TLL1: variants seen among roughly 807,000 people sequenced by gnomAD.
The protein encoded by TLL1 is tolloid-like protein 1.
A neutral mutation model predicts 128.2 loss-of-function variants in TLL1; 49 were observed. The ratio of observed to expected loss-of-function variants is 0.38; its 90% CI spans 0.30 to 0.48. The LOEUF is 0.48. Ranked by LOEUF, TLL1 falls within the 20% of genes least tolerant of loss-of-function variation. The pLI, the probability that TLL1 is intolerant of heterozygous loss-of-function variation, is 0.96. For missense variants in TLL1, 1,123 were observed against 1,242.0 expected (o/e 0.90, Z 1.44); for synonymous variants, 454 against 418.8 (o/e 1.08, Z -1.03).
In TLL1 at chr4:166,104,062, T is replaced by A. The variant is rs554786621; in HGVS notation, c.*3186T>A. ...GCTACCTGTCGCTCATTTTAATATG[T>A]CACAGTATGAGATTCAAATTCTGTT... On this transcript the variant is annotated 3_prime_UTR_variant, in exon 21 of 21. Coordinates refer to ENST00000061240, the MANE Select transcript of TLL1 (RefSeq NM_012464.5). 5.9e-5 allele frequency among the ~76,000 whole-genome samples: 9 copies of A among 152,068 alleles called. No homozygotes were observed. In the East Asian group the frequency reaches 1.2e-3, roughly 20 times the overall value.
chr4:165,964,661 A>G (rs1283986261), intron 1 of TLL1, among the ~76,000 whole-genome samples: 1 of 152,162 alleles, frequency 6.6e-6, no homozygotes, highest in Non-Finnish European at 1.5e-5. Flanking sequence ...GACAACTCAT[A>G]CCTATAATCC....
chr4:165,992,652 C>A, intron 2 of TLL1, 152 bp from the exon 3 acceptor site: 1 of 698,510 alleles, frequency 1.4e-6, no homozygotes. Context: ...GAGTTTTTAC[C>A]CCCTTCAAAG....
intron 1 of TLL1, among the ~76,000 whole-genome samples, chr4:165,966,177 CAAAAAAAA>C (rs35017995): frequency 8.6e-6 from 1 of 116,226 alleles, no homozygotes. Flanking sequence ...GACTCCATCT[CAAAAAAAA>C]AAAAAAAAAA....
chr4:165,986,236 G>T (rs1393183038), intron 1 of TLL1, among the ~76,000 whole-genome samples: 1 of 151,984 alleles, frequency 6.6e-6, no homozygotes, highest in Non-Finnish European at 1.5e-5. Flanking sequence ...AGATTATAAT[G>T]CATCCTAATA....
chr4:165,876,825 T>G (rs1231287801), intron 1 of TLL1, among the ~76,000 whole-genome samples: 1 of 152,230 alleles, frequency 6.6e-6, no homozygotes, highest in Non-Finnish European at 1.5e-5. Context: ...TAGTCCAGGT[T>G]TACCAGGAGT....
intron 12 of TLL1, chr4:166,044,570 ATTT>A: frequency 4.7e-6 from 3 of 636,676 alleles, no homozygotes; most frequent in South Asian, 2.6e-5. Context: ...GCTCCAGACC[ATTT>A]TTTTTTTGTA....
At chr4:165,973,674 T>C (rs1177321144) in intron 1 of TLL1, among the ~76,000 whole-genome samples, 1 of 152,014 alleles carries the variant, frequency 6.6e-6, no homozygotes, top group South Asian at 2.1e-4. Flanking sequence ...TTTTTTTTTT[T>C]TCTTTTTTGA....
intron 1 of TLL1, among the ~76,000 whole-genome samples, chr4:165,900,918 G>A (rs1731956696): frequency 6.6e-6 from 1 of 151,976 alleles, no homozygotes; most frequent in Non-Finnish European, 1.5e-5. Flanking sequence ...CATATTTCTT[G>A]GAGGCTTTGT....
At chr4:165,912,691 T>C (rs1403471449) in intron 1 of TLL1, among the ~76,000 whole-genome samples, 1 of 152,166 alleles carries the variant, frequency 6.6e-6, no homozygotes, top group Non-Finnish European at 1.5e-5. Context: ...TTCAATAGAA[T>C]GTGAGAAGTT....
chr4:165,928,751 A>G (rs1733381429), intron 1 of TLL1, among the ~76,000 whole-genome samples: 1 of 152,188 alleles, frequency 6.6e-6, no homozygotes. Context: ...CATCACAAGC[A>G]CACACAGCCT....
chr4:166,030,083 T>A (rs1455172265), intron 9 of TLL1, among the ~76,000 whole-genome samples: 1 of 152,048 alleles, frequency 6.6e-6, no homozygotes, highest in Non-Finnish European at 1.5e-5. Context: ...TCCATAGTAT[T>A]TGCATTATTT....
At chr4:165,920,967 A>G (rs778413970) in intron 1 of TLL1, among the ~76,000 whole-genome samples, 28 of 152,220 alleles carry the variant, frequency 1.8e-4, no homozygotes, top group Non-Finnish European at 2.1e-4. Context: ...TACAAATAGT[A>G]CTTTCCTTAA....
intron 17 of TLL1, among the ~76,000 whole-genome samples, chr4:166,076,991 G>A (rs907877465): frequency 1.3e-5 from 2 of 152,086 alleles, no homozygotes; most frequent in African/African-American, 4.8e-5. Context: ...TAACAAGTGT[G>A]TTGTCCATTG....
At chr4:165,893,478 A>G (rs1450519816) in intron 1 of TLL1, among the ~76,000 whole-genome samples, 3 of 152,212 alleles carry the variant, frequency 2.0e-5, no homozygotes, top group African/African-American at 2.4e-5. Context: ...AAAGAATCCA[A>G]TGCAGCTAGA....
chr4:165,994,528 T>C lies in TLL1; in HGVS notation c.509T>C (p.Phe170Ser), dbSNP rs754888614. The C allele has an allele frequency of 1.2e-6, 2 of 1,613,880 alleles. No homozygotes were observed. Among genetic ancestry groups the C allele is most frequent in the South Asian group, 2.2e-5 (2 of 91,088 alleles). The change falls in exon 4 of 21, where the codon TTC becomes TCC. Residue 170 changes from phenylalanine to serine, a missense_variant. Physicochemically the swap from Phe to Ser is radical, Grantham distance 155 (BLOSUM62 -2). Transcript: ENST00000061240. ...ATTCCTTATGTTATAGGAGGAAACT[T>C]CACTGGTAAGATACTCCCAGCATGT... ...GVIPYVIGGN[F>S]TGSQRAMFKQ...
At chr4:166,081,804 G>T (rs144190764) in intron 18 of TLL1, among the ~76,000 whole-genome samples, 3 of 151,522 alleles carry the variant, frequency 2.0e-5, no homozygotes, top group African/African-American at 7.3e-5. Flanking sequence ...AGCAAAACTA[G>T]TTCCAGCTTT....
intron 1 of TLL1, among the ~76,000 whole-genome samples, chr4:165,906,411 G>A (rs1388395691): frequency 6.6e-6 from 1 of 152,160 alleles, no homozygotes; most frequent in Non-Finnish European, 1.5e-5. Flanking sequence ...ACATAAAGAG[G>A]TTAATCTTCC....
At position 166,077,954 on chromosome 4, in the gene TLL1, A is replaced by G. The variant is rs769343072; in HGVS notation, c.2366A>G (p.Asn789Ser). 3.7e-6 allele frequency: 6 copies of G among 1,613,670 alleles called. No homozygotes were observed. The highest frequency in any genetic ancestry group is 2.2e-5 in the East Asian group (1 of 44,760). Residue 789 changes from asparagine to serine, a missense_variant, in exon 18 of 21, where the codon AAC (asparagine) becomes AGC (serine). Transcript: ENST00000061240. ...HSPSGLITSP[N>S]WPDKYPSRKE... ...CCAAGTGGCCTCATCACCAGTCCCA[A>G]CTGGCCAGACAAGTACCCAAGCAGG...
At chr4:165,953,400 A>G (rs1048971012) in intron 1 of TLL1, among the ~76,000 whole-genome samples, 26 of 152,068 alleles carry the variant, frequency 1.7e-4, no homozygotes, top group African/African-American at 6.3e-4. Flanking sequence ...GACTTTGCCA[A>G]CACTGCAGCA....
Sources: allele counts gnomAD v4.1 joint callset (sites outside exome capture counted in the v4.1 genomes callset), GRCh38; gene constraint gnomAD v4.1.1; transcripts MANE v1.5; gene names NCBI Gene and HGNC (gene_info 2026-07-23, HGNC 2026-07-21).